Variants in ZMYND8 observed in about 807,000 individuals in gnomAD.
ZMYND8 encodes zinc finger MYND-type containing 8.
A neutral mutation model predicts 140.8 loss-of-function variants in ZMYND8; 37 were observed. That is an observed-to-expected ratio of 0.26 (90% CI 0.20 to 0.35). The LOEUF is 0.35. ZMYND8 is among the 10% of genes least tolerant of loss of function. The pLI is 1.00. For missense variants in ZMYND8, 1,068 were observed against 1,570.0 expected (o/e 0.68, Z 5.40); for synonymous variants, 592 against 597.1 (o/e 0.99, Z 0.12).
At chr20:47,223,598 G>C (rs929780557) in intron 19 of ZMYND8, among the ~76,000 whole-genome samples, 1 of 152,028 alleles carries the variant, frequency 6.6e-6, no homozygotes, top group Non-Finnish European at 1.5e-5. Context: ...GCCAAGGTAG[G>C]TGGATCACCT....
In ZMYND8 at chr20:47,287,391, T is replaced by C. The variant is rs1487095905; in HGVS notation, c.749-107A>G. On this transcript the variant is annotated intron_variant, in intron 7 of 22. Coordinates refer to ENST00000471951, the MANE Select transcript of ZMYND8 (RefSeq NM_001281775.3). Reference sequence around the variant, plus strand: ...TGTTTACTTGCTTTTCCCCCAGGATTAAGCTTTTAAAGGCTAAAACCAGAG... The same window carrying C: ...TGTTTACTTGCTTTTCCCCCAGGATCAAGCTTTTAAAGGCTAAAACCAGAG... 9 of 986,054 alleles carry C rather than the reference T, an allele frequency of 9.1e-6. No individual in the cohort carries two copies. The Admixed American group carries it at 1.8e-4, about 19-fold the overall frequency. 61.1% of individuals were successfully genotyped at this position (986,054 alleles called of 1,614,324 possible).
intron 12 of ZMYND8, 146 bp from the exon 13 acceptor site, chr20:47,249,585 C>A: frequency 8.7e-7 from 1 of 1,144,234 alleles, no homozygotes; most frequent in Admixed American, 2.6e-5. Flanking sequence ...CCAACAATAT[C>A]ATCTGCTCAA....
At chr20:47,277,765 G>C (rs138520285) in intron 10 of ZMYND8, among the ~76,000 whole-genome samples, 1 of 151,930 alleles carries the variant, frequency 6.6e-6, no homozygotes, top group African/African-American at 2.4e-5. Context: ...CCGTCTCCTG[G>C]GTTCAAGCAA....
chr20:47,239,177 T>C, intron 14 of ZMYND8, 39 bp from the exon 15 acceptor site: 1 of 1,483,738 alleles, frequency 6.7e-7, no homozygotes, highest in Non-Finnish European at 8.9e-7. Context: ...AAAAACCGGA[T>C]TTCACTCAGG....
At chr20:47,292,554 T>G (rs1295850671) in intron 5 of ZMYND8, among the ~76,000 whole-genome samples, 1 of 152,166 alleles carries the variant, frequency 6.6e-6, no homozygotes, top group East Asian at 1.9e-4. Flanking sequence ...TGCTCTAAAT[T>G]TTTTTTATCA....
At chr20:47,312,994 C>CT (rs2079058533) in intron 2 of ZMYND8, among the ~76,000 whole-genome samples, 1 of 152,148 alleles carries the variant, frequency 6.6e-6, no homozygotes. Context: ...GGCAAGATGA[C>CT]TGCACTGCAG....
chr20:47,354,703 T>C (rs1366841143), intron 1 of ZMYND8: 1 of 152,182 alleles, frequency 6.6e-6, no homozygotes, highest in Non-Finnish European at 1.5e-5. Context: ...AACACAGCAA[T>C]TGAATATATT....
In ZMYND8 at chr20:47,209,599, A is replaced by C. The variant is rs1344603804; in HGVS notation, c.*1162T>G. ...CTTAACAATGAAGAGAAAGTAAACAAGACTAAAATGTACAACAAAACGTAC... is the reference window on the plus strand; with the variant it reads ...CTTAACAATGAAGAGAAAGTAAACACGACTAAAATGTACAACAAAACGTAC... On this transcript the variant is annotated 3_prime_UTR_variant, in exon 23 of 23. Transcript: ENST00000471951. 6.6e-6 allele frequency: 1 copy of C among 152,456 alleles called. No homozygotes were observed. The highest frequency in any genetic ancestry group is 1.5e-5 in the Non-Finnish European group (1 of 68,042). 9.4% of individuals were successfully genotyped at this position (152,456 alleles called of 1,614,324 possible).
At chr20:47,274,821 C>A (rs2076160323) in intron 11 of ZMYND8, among the ~76,000 whole-genome samples, 1 of 152,004 alleles carries the variant, frequency 6.6e-6, no homozygotes, top group Non-Finnish European at 1.5e-5. Flanking sequence ...TGAAAATAAC[C>A]CAAGGAAAAG....
intron 5 of ZMYND8, among the ~76,000 whole-genome samples, chr20:47,293,783 G>C (rs2077453944): frequency 6.6e-6 from 1 of 152,146 alleles, no homozygotes; most frequent in African/African-American, 2.4e-5. Flanking sequence ...TTGGCTCTGT[G>C]TCCCCACCCA....
chr20:47,302,939 G>A (rs1229447757), intron 3 of ZMYND8, among the ~76,000 whole-genome samples: 4 of 152,176 alleles, frequency 2.6e-5, no homozygotes, highest in Non-Finnish European at 5.9e-5. Flanking sequence ...AAAAGTATTT[G>A]TTGTGGGAGA....
At chr20:47,343,189 G>A (rs560403893) in intron 2 of ZMYND8, among the ~76,000 whole-genome samples, 57 of 152,260 alleles carry the variant, frequency 3.7e-4, no homozygotes, top group African/African-American at 1.4e-3. Context: ...GGAGGCTGAG[G>A]CAAGAGGACT....
chr20:47,247,269 C>CA (rs2040673539), intron 13 of ZMYND8, among the ~76,000 whole-genome samples: 1 of 152,228 alleles, frequency 6.6e-6, no homozygotes, highest in African/African-American at 2.4e-5. Context: ...ACCAGCCTGC[C>CA]AGGCATTGGC....
At chr20:47,335,066 T>C (rs1168253116) in intron 2 of ZMYND8, among the ~76,000 whole-genome samples, 1 of 151,790 alleles carries the variant, frequency 6.6e-6, no homozygotes, top group East Asian at 2.0e-4. Context: ...GGCAACATAG[T>C]GAAACCTCAT....
rs565683578 is a variant in ZMYND8, at chr20:47,232,540, C to A, written c.2857-2734G>T. On this transcript the variant is annotated intron_variant, in intron 16 of 22. Coordinates refer to ENST00000471951, the MANE Select transcript of ZMYND8 (RefSeq NM_001281775.3). ...CCCCAACTCTAAAAAAAAAAAATTT[C>A]TTTTAGTAATTTTTTAAAGAACAAA... Among the ~76,000 whole-genome samples the A allele has an allele frequency of 1.1e-4, 17 of 151,944 alleles. No homozygotes were observed. In the South Asian group the frequency reaches 3.3e-3, roughly 30 times the overall value.
chr20:47,229,372 C>G (rs577382287), intron 17 of ZMYND8, among the ~76,000 whole-genome samples: 10 of 152,028 alleles, frequency 6.6e-5, no homozygotes, highest in African/African-American at 1.4e-4. Flanking sequence ...AATTATTGAA[C>G]AAGAAGAAGC....
chr20:47,303,544 C>T (rs1289923119), intron 3 of ZMYND8, among the ~76,000 whole-genome samples: 1 of 152,072 alleles, frequency 6.6e-6, no homozygotes, highest in African/African-American at 2.4e-5. Flanking sequence ...ATGGCGAAAC[C>T]CCGTCTCTAC....
intron 11 of ZMYND8, 118 bp from the exon 12 acceptor site, chr20:47,262,546 G>T: frequency 7.2e-7 from 1 of 1,380,566 alleles, no homozygotes; most frequent in Non-Finnish European, 9.9e-7. Context: ...CAGCAAGGCC[G>T]CTACAGTATC....
At chr20:47,313,410 C>T (rs1451048027) in intron 2 of ZMYND8, among the ~76,000 whole-genome samples, 2 of 150,592 alleles carry the variant, frequency 1.3e-5, no homozygotes, top group East Asian at 3.9e-4. Flanking sequence ...ATTACAAAGT[C>T]AGGAGATCGA....
Sources: allele counts gnomAD v4.1 joint callset (sites outside exome capture counted in the v4.1 genomes callset), GRCh38; gene constraint gnomAD v4.1.1; transcripts MANE v1.5; gene names NCBI Gene and HGNC (gene_info 2026-07-23, HGNC 2026-07-21).